MYO10: variants seen among roughly 807,000 people sequenced by gnomAD.
The protein encoded by MYO10 is myosin X.
In MYO10, 133 loss-of-function variants were observed where a neutral mutation model predicts 257.3. The observed-to-expected ratio is 0.52, with a 90% CI of 0.45 to 0.60. The LOEUF (loss-of-function observed/expected upper bound fraction) is 0.60. Among genes scored for constraint, MYO10 ranks in the 20% least tolerant of loss-of-function variants. The pLI, the probability that MYO10 is intolerant of heterozygous loss-of-function variation, is 0.00. For synonymous variants in MYO10, 1,104 were observed against 1,028.6 expected (o/e 1.07, Z -1.40); for missense variants, 2,399 against 2,635.7 (o/e 0.91, Z 1.97).
At chr5:16,919,108 A>T (rs934672399) in intron 1 of MYO10, among the ~76,000 whole-genome samples, 1 of 152,034 alleles carries the variant, frequency 6.6e-6, no homozygotes, top group Non-Finnish European at 1.5e-5. Flanking sequence ...CAGGAGTGAT[A>T]GCTCACACCT....
Position 16,666,696 on chromosome 5 carries a change from C to G in MYO10, c.6173G>C (p.Arg2058Thr). The G allele has an allele frequency of 5.0e-6, 8 of 1,600,436 alleles. No individual in the cohort carries two copies. The highest frequency in any genetic ancestry group is 6.8e-6 in the Non-Finnish European group (8 of 1,175,326). Residue 2058 changes from arginine (R) to threonine (T), a missense_variant, in exon 41 of 41, where the codon AGG becomes ACG. Transcript: ENST00000513610. ...CAGGTGGGCTCTGTCCCGCCTTCACCTGGAGCTGCCCTGGCTGCTGGCGGA... is the reference window on the plus strand; with the variant it reads ...CAGGTGGGCTCTGTCCCGCCTTCACGTGGAGCTGCCCTGGCTGCTGGCGGA... ...TRSASSQGSS[R>T]
At position 16,759,419 on chromosome 5, in the gene MYO10, G is replaced by A. The variant is rs958669581; in HGVS notation, c.1740-1193C>T. Among the ~76,000 whole-genome samples the A allele has an allele frequency of 5.9e-5, 9 of 152,240 alleles. 1 individual carries two copies. Among genetic ancestry groups the A allele is most frequent in the Admixed American group, 4.6e-4 (7 of 15,286 alleles). ...ACCTTTTTCATTTTTGTTCTCGGGT[G>A]CTCTTTAATGCTCACTCTCTTAAGT... On this transcript the variant is annotated intron_variant, in intron 17 of 40. Coordinates refer to ENST00000513610, the MANE Select transcript of MYO10 (RefSeq NM_012334.3).
At chr5:16,856,756 A>G (rs1009478800) in intron 2 of MYO10, among the ~76,000 whole-genome samples, 3 of 152,098 alleles carry the variant, frequency 2.0e-5, no homozygotes, top group East Asian at 1.9e-4. Context: ...TTTAGGGATG[A>G]GTCCAACGCT....
rs150597657 is a variant in MYO10, at chr5:16,877,927, G to C, written c.22-220C>G. Among the ~76,000 whole-genome samples the C allele has an allele frequency of 4.5e-3, 686 of 152,282 alleles. 3 individuals are homozygous for C. Among genetic ancestry groups the C allele is most frequent in the African/African-American group, 0.016 (649 of 41,568 alleles). On this transcript the variant is annotated intron_variant, in intron 1 of 40. Coordinates refer to ENST00000513610, the MANE Select transcript of MYO10 (RefSeq NM_012334.3). The stretch of plus-strand genomic sequence containing the variant: ...TCCCATCAGACATAGAAGGCAAAGA[G>C]GGACTAAGAAAATAGTAGCTAGCCC...
intron 3 of MYO10, among the ~76,000 whole-genome samples, chr5:16,817,679 G>A (rs1010937545): frequency 6.6e-6 from 1 of 152,046 alleles, no homozygotes; most frequent in Non-Finnish European, 1.5e-5. Context: ...ATTTTCCCTC[G>A]GTCAGTCTAC....
intron 28 of MYO10, among the ~76,000 whole-genome samples, chr5:16,688,437 C>T (rs1737345496): frequency 6.6e-6 from 1 of 151,992 alleles, no homozygotes; most frequent in South Asian, 2.1e-4. Context: ...TGGATGTTAC[C>T]CTCGTAAATT....
intron 2 of MYO10, among the ~76,000 whole-genome samples, chr5:16,841,971 G>A (rs908216731): frequency 1.6e-5 from 2 of 124,834 alleles, no homozygotes; most frequent in African/African-American, 3.0e-5. Context: ...AGACAAAGAG[G>A]ACTCAATCAT....
At chr5:16,855,555 G>T (rs1347566838) in intron 2 of MYO10, among the ~76,000 whole-genome samples, 1 of 152,214 alleles carries the variant, frequency 6.6e-6, no homozygotes, top group African/African-American at 2.4e-5. Flanking sequence ...AATCTCCCTG[G>T]TTTATCACTG....
chr5:16,673,427 C>T (rs1348058794), intron 36 of MYO10, among the ~76,000 whole-genome samples: 1 of 152,204 alleles, frequency 6.6e-6, no homozygotes, highest in African/African-American at 2.4e-5. Context: ...CTCTGCTAGA[C>T]ACTCAGCTGC....
At chr5:16,781,427 T>C (rs111359559) in intron 6 of MYO10, among the ~76,000 whole-genome samples, 143 of 151,934 alleles carry the variant, frequency 9.4e-4, no homozygotes, top group African/African-American at 3.3e-3. Flanking sequence ...AGAGACAGGG[T>C]CTTGCTATGT....
chr5:16,766,574 C>T (rs943497828), intron 10 of MYO10, among the ~76,000 whole-genome samples: 4 of 151,754 alleles, frequency 2.6e-5, no homozygotes, highest in African/African-American at 9.7e-5. Context: ...GGACTATAGG[C>T]ACCCGCTACC....
At chr5:16,892,507 G>A (rs114969528) in intron 1 of MYO10, among the ~76,000 whole-genome samples, 2,702 of 152,318 alleles carry the variant, frequency 0.018, 44 homozygotes, top group Middle Eastern at 0.037. Flanking sequence ...GCTGGGCATG[G>A]TGGCATGCGC....
chr5:16,760,148 C>T (rs1004077707), intron 17 of MYO10, among the ~76,000 whole-genome samples: 2 of 151,940 alleles, frequency 1.3e-5, no homozygotes, highest in African/African-American at 2.4e-5. Context: ...TCTTACAAAG[C>T]CTCCTAAAAA....
At chr5:16,714,732 A>G (rs1738773412) in intron 19 of MYO10, among the ~76,000 whole-genome samples, 1 of 152,200 alleles carries the variant, frequency 6.6e-6, no homozygotes, top group South Asian at 2.1e-4. Context: ...CTGAGACGGG[A>G]GAATGGCGTC....
intron 1 of MYO10, among the ~76,000 whole-genome samples, chr5:16,925,890 G>A: frequency 6.6e-6 from 1 of 152,278 alleles, no homozygotes; most frequent in Non-Finnish European, 1.5e-5. Context: ...ATATTTGCAA[G>A]ACACCAGTTC....
At chr5:16,822,085 T>C (rs1034132137) in intron 2 of MYO10, among the ~76,000 whole-genome samples, 2 of 151,954 alleles carry the variant, frequency 1.3e-5, no homozygotes, top group African/African-American at 4.8e-5. Context: ...CCTTAGAACA[T>C]TGTCTGGCAT....
In MYO10 at chr5:16,754,879, T is replaced by C; in HGVS notation, c.1878A>G (p.Leu626=). 12 of 1,603,268 alleles carry C rather than the reference T, an allele frequency of 7.5e-6. No individual in the cohort carries two copies. The highest frequency in any genetic ancestry group is 1.0e-5 in the Non-Finnish European group (12 of 1,173,258). The change falls in exon 19 of 41, where the codon CTA becomes CTG. Residue 626 remains leucine, a synonymous_variant. Transcript: ENST00000513610. ...GAACAAAGAAAGGATTAGAGGAGCT[T>C]AGCGTTGCCATTAAGGAATGCAGTG... The part of the protein sequence containing the change: ...KDSLHSLMAT[L]SSSNPFFVRC...
chr5:16,793,417 G>T (rs1020269365), intron 4 of MYO10, among the ~76,000 whole-genome samples: 4 of 151,974 alleles, frequency 2.6e-5, no homozygotes, highest in Non-Finnish European at 4.4e-5. Flanking sequence ...CTCCACCTCC[G>T]GGTTAAAGTG....
At chr5:16,763,407 T>C (rs1740776784) in intron 14 of MYO10, 74 bp downstream of exon 14, 3 of 1,187,456 alleles carry the variant, frequency 2.5e-6, no homozygotes, top group African/African-American at 3.0e-5. Context: ...GTGCACGTTA[T>C]TTTGTTCCCA....
Sources: allele counts gnomAD v4.1 joint callset (sites outside exome capture counted in the v4.1 genomes callset), GRCh38; gene constraint gnomAD v4.1.1; transcripts MANE v1.5; gene names NCBI Gene and HGNC (gene_info 2026-07-23, HGNC 2026-07-21).